ASAP2: variants seen among roughly 807,000 people sequenced by gnomAD.
ASAP2 encodes arf-GAP with SH3 domain, ANK repeat and PH domain-containing protein 2.
A neutral mutation model predicts 131.4 loss-of-function variants in ASAP2; 45 were observed. The observed-to-expected ratio is 0.34, with a 90% CI of 0.27 to 0.44. The LOEUF is 0.44. ASAP2 is among the 20% of genes least tolerant of loss of function. The probability of loss-of-function intolerance (pLI) is 1.00; values close to 1 mark genes in which losing one functional copy is unlikely to be tolerated. For missense variants in ASAP2, 1,011 were observed against 1,297.0 expected (o/e 0.78, Z 3.39); for synonymous variants, 510 against 503.0 (o/e 1.01, Z -0.19).
At chr2:9,380,707 C>T (rs754506079) in intron 19 of ASAP2, 34 bp from the exon 20 acceptor site, 2 of 1,611,866 alleles carry the variant, frequency 1.2e-6, no homozygotes, top group South Asian at 1.1e-5. Flanking sequence ...TGGGTTTTGC[C>T]TTAACGCCTC....
chr2:9,385,853 A>C (rs1323827690), intron 21 of ASAP2, among the ~76,000 whole-genome samples: 1 of 152,254 alleles, frequency 6.6e-6, no homozygotes, highest in African/African-American at 2.4e-5. Flanking sequence ...AAAGTGAAGC[A>C]GCTATTTAGA....
Position 9,207,052 on chromosome 2 carries a change from G to C in ASAP2, c.-53G>C, listed in dbSNP as rs1661156986. 7.1e-6 allele frequency: 10 copies of C among 1,409,158 alleles called. No homozygotes were observed. The East Asian group carries it at 2.8e-4, about 39-fold the overall frequency. The allele number at this position is 1,409,158 out of a possible 1,614,324, so 87.3% of individuals were successfully genotyped here. A position where few individuals can be genotyped will look rare whatever the true frequency, so the allele number is the denominator to read the frequency against. On this transcript the variant is annotated 5_prime_UTR_variant, in exon 1 of 28. Transcript: ENST00000281419. This position sits in a 1 kb window ranked among gnomAD's most constrained non-coding sequence, Gnocchi z 4.1. ...GCGGCGGTCGGAGCCTGCTGCGGCA[G>C]TTGAGGCGGCGGCGCCCCTGCGGCT...
chr2:9,255,084 G>T (rs1179521307), intron 1 of ASAP2, among the ~76,000 whole-genome samples: 2 of 152,132 alleles, frequency 1.3e-5, no homozygotes, highest in African/African-American at 4.8e-5. Flanking sequence ...CTTCCTCATC[G>T]GTGCTTGGCA....
chr2:9,400,638 C>G, intron 25 of ASAP2, 104 bp from the exon 26 acceptor site: 1 of 1,058,366 alleles, frequency 9.4e-7, no homozygotes, highest in Non-Finnish European at 1.5e-6. Flanking sequence ...ATCGGAACAC[C>G]TGGGGAAACC....
At chr2:9,401,481 G>A in intron 27 of ASAP2, 85 bp downstream of exon 27, 1 of 1,522,564 alleles carries the variant, frequency 6.6e-7, no homozygotes, top group South Asian at 1.3e-5. Flanking sequence ...TTGCAGGTGA[G>A]GTTTTCTCAG....
At position 9,281,995 on chromosome 2, in the gene ASAP2, T is replaced by C. The variant is rs1440902023; in HGVS notation, c.199+2606T>C. On this transcript the variant is annotated intron_variant, in intron 2 of 27. Transcript: ENST00000281419. The surrounding 1 kb of genome is among the most constrained non-coding windows in gnomAD (Gnocchi z 4.0). Reference sequence around the variant, plus strand: ...TCCCCAGAGAGCCACGTTTTATGCCTTCTTCCCTCTGCTCATGCTCTGCTG... The same window carrying C: ...TCCCCAGAGAGCCACGTTTTATGCCCTCTTCCCTCTGCTCATGCTCTGCTG... 6.6e-6 allele frequency among the ~76,000 whole-genome samples: 1 copy of C among 152,218 alleles called. No individual in the cohort carries two copies. Among genetic ancestry groups the C allele is most frequent in the Non-Finnish European group, 1.5e-5 (1 of 68,044 alleles).
intron 3 of ASAP2, among the ~76,000 whole-genome samples, chr2:9,314,014 C>A (rs952362689): frequency 2.6e-5 from 4 of 152,198 alleles, no homozygotes; most frequent in African/African-American, 7.2e-5. Context: ...ACAAAAGTCT[C>A]GCTCTGTTAC....
At chr2:9,352,267 G>A (rs964809463) in intron 12 of ASAP2, among the ~76,000 whole-genome samples, 2 of 151,524 alleles carry the variant, frequency 1.3e-5, no homozygotes, top group Admixed American at 1.3e-4. Flanking sequence ...ACCACTGCTG[G>A]GATACCTGTG....
chr2:9,286,783 G>A (rs1667496756), intron 2 of ASAP2, among the ~76,000 whole-genome samples: 1 of 152,134 alleles, frequency 6.6e-6, no homozygotes, highest in South Asian at 2.1e-4. Context: ...GAAGAGAAAT[G>A]CTTGTGATGA....
At chr2:9,286,967 G>A (rs1667507672) in intron 2 of ASAP2, among the ~76,000 whole-genome samples, 2 of 152,330 alleles carry the variant, frequency 1.3e-5, no homozygotes, top group East Asian at 3.9e-4. Flanking sequence ...GTATTATAAA[G>A]CTAAATAAAA....
rs550321872 is a variant in ASAP2 at position 9,207,957 on chromosome 2, C to T, written c.126+727C>T. Among the ~76,000 whole-genome samples, 13 of 152,170 alleles carry T rather than the reference C, an allele frequency of 8.5e-5. No individual in the cohort carries two copies. Among genetic ancestry groups the T allele is most frequent in the Non-Finnish European group, 1.9e-4 (13 of 68,020 alleles). ...GCTCTCAAGGTGCAAAGTCATCACG[C>T]CTAGCTGCTAAGCAGTACGCTCTCC... On this transcript the variant is annotated intron_variant, in intron 1 of 27. Transcript: ENST00000281419. This position sits in a 1 kb window ranked among gnomAD's most constrained non-coding sequence, Gnocchi z 4.1.
intron 1 of ASAP2, among the ~76,000 whole-genome samples, chr2:9,246,362 A>G (rs937068228): frequency 1.3e-5 from 2 of 152,166 alleles, no homozygotes; most frequent in Non-Finnish European, 2.9e-5. Flanking sequence ...ATCATGGCCC[A>G]CTGCAGCCTC....
chr2:9,301,886 C>T (rs1196765829), intron 3 of ASAP2, among the ~76,000 whole-genome samples: 3 of 144,786 alleles, frequency 2.1e-5, no homozygotes, highest in Non-Finnish European at 4.5e-5. Context: ...TGCAGTGGCA[C>T]AATCTCAGCT....
chr2:9,275,708 C>T (rs1343728273), intron 1 of ASAP2, among the ~76,000 whole-genome samples: 2 of 152,168 alleles, frequency 1.3e-5, no homozygotes, highest in Admixed American at 1.3e-4. Flanking sequence ...CACTTGAGCC[C>T]CTGCATTTTG....
At chr2:9,289,839 G>C (rs74691695) in intron 2 of ASAP2, among the ~76,000 whole-genome samples, 176 of 152,292 alleles carry the variant, frequency 1.2e-3, no homozygotes, top group African/African-American at 3.9e-3. Flanking sequence ...AACCAGACTA[G>C]ATACATCCTG....
intron 1 of ASAP2, among the ~76,000 whole-genome samples, chr2:9,251,746 A>G (rs1664725101): frequency 1.3e-5 from 2 of 151,832 alleles, no homozygotes; most frequent in African/African-American, 4.8e-5. Flanking sequence ...AGCGTGGCAA[A>G]TGGAATGCCT....
rs893926666 is a variant in ASAP2, at chr2:9,311,406, A to G, written c.346-7118A>G. Among the ~76,000 whole-genome samples the G allele has an allele frequency of 2.0e-5, 3 of 152,140 alleles. No homozygotes were observed. Among genetic ancestry groups the G allele is most frequent in the African/African-American group, 7.2e-5 (3 of 41,432 alleles). ...TTGCCTGCTTGTTGGTCCAACGTTA[A>G]TAGCAGTGATTAAGATTAATAATTT... On this transcript the variant is annotated intron_variant, in intron 3 of 27. Transcript: ENST00000281419. This position sits in a 1 kb window ranked among gnomAD's most constrained non-coding sequence, Gnocchi z 5.2.
At chr2:9,258,336 T>TG (rs1491131740) in intron 1 of ASAP2, among the ~76,000 whole-genome samples, 1 of 80,076 alleles carries the variant, frequency 1.2e-5, no homozygotes, top group Non-Finnish European at 2.8e-5. Flanking sequence ...TCAGTAGTTG[T>TG]TTTTTTTTTT....
At chr2:9,379,340 G>C (rs1285134417) in intron 19 of ASAP2, among the ~76,000 whole-genome samples, 1 of 152,224 alleles carries the variant, frequency 6.6e-6, no homozygotes, top group Non-Finnish European at 1.5e-5. Context: ...GATGCCAGGT[G>C]AATTTGGACA....
Sources: allele counts gnomAD v4.1 joint callset (sites outside exome capture counted in the v4.1 genomes callset), GRCh38; gene constraint gnomAD v4.1.1; non-coding constraint Gnocchi (gnomAD v3.1); transcripts MANE v1.5; gene names NCBI Gene and HGNC (gene_info 2026-07-23, HGNC 2026-07-21).